The following NR1H4 variants were observed in gnomAD, a reference collection of about 807,000 sequenced individuals.
The protein encoded by NR1H4 is bile acid receptor.
In NR1H4, 23 loss-of-function variants were observed where a neutral mutation model predicts 58.5. The observed-to-expected ratio is 0.39, with a 90% confidence interval of 0.28 to 0.56. NR1H4 has a LOEUF of 0.56. Ranked by LOEUF, NR1H4 falls within the 20% of genes least tolerant of loss-of-function variation. NR1H4 has a pLI of 0.58. For synonymous variants in NR1H4, 214 were observed against 198.0 expected (o/e 1.08, Z -0.68); for missense variants, 487 against 576.9 (o/e 0.84, Z 1.60).
intron 9 of NR1H4, among the ~76,000 whole-genome samples, chr12:100,552,711 C>A (rs559456126): frequency 6.6e-6 from 1 of 152,196 alleles, no homozygotes; most frequent in South Asian, 2.1e-4. Context: ...TTGCTTAAGA[C>A]CAGGAGTTCG....
rs567282817 is a variant in NR1H4 at position 100,498,750 on chromosome 12, G to A, written c.79+5348G>A. ...AGCTTTGGAATCCACGTCTTGTATT[G>A]CTTTTATTATTGTATCTAACAGTCT... is the stretch of plus-strand genomic sequence containing the variant. On this transcript the variant is annotated intron_variant, in intron 3 of 10. Coordinates refer to ENST00000392986, the MANE Select transcript of NR1H4 (RefSeq NM_001206979.2). Among the ~76,000 whole-genome samples the A allele has an allele frequency of 9.2e-5, 14 of 152,178 alleles. 1 individual carries two copies. The highest frequency in any genetic ancestry group is 3.4e-4 in the African/African-American group (14 of 41,510).
intron 4 of NR1H4, among the ~76,000 whole-genome samples, chr12:100,524,011 A>G (rs1048494335): frequency 6.6e-6 from 1 of 152,246 alleles, no homozygotes; most frequent in African/African-American, 2.4e-5. Flanking sequence ...AATACGTAGA[A>G]AAATGCAATG....
Position 100,509,062 on chromosome 12 carries a change from G to C in NR1H4, c.80-1716G>C, listed in dbSNP as rs554716135. On this transcript the variant is annotated intron_variant, in intron 3 of 10. Coordinates refer to ENST00000392986, the MANE Select transcript of NR1H4 (RefSeq NM_001206979.2). Reference sequence around the variant, plus strand: ...CTTCTAAAACACATACGACTGCCAGGGTTTCAGATAAGGAACTGTGAATCT... The same window carrying C: ...CTTCTAAAACACATACGACTGCCAGCGTTTCAGATAAGGAACTGTGAATCT... 7.9e-5 allele frequency among the ~76,000 whole-genome samples: 12 copies of C among 152,196 alleles called. No homozygotes were observed. In the East Asian group the frequency reaches 1.7e-3, roughly 22 times the overall value.
rs1419373033 is a variant in NR1H4, at chr12:100,545,659, A to AC, written c.1078+4841_1078+4842insC. Among the ~76,000 whole-genome samples, 20 of 147,782 alleles carry AC rather than the reference A, an allele frequency of 1.4e-4. 1 individual carries two copies. The East Asian group carries it at 2.0e-3, about 14-fold the overall frequency. ...CTTGTCTCAAAAAAAAAAAAAAAAA[A>AC]AAAAAAAAAACCAAACGGGGGGCAT... On this transcript the variant is annotated intron_variant, in intron 9 of 10. Transcript: ENST00000392986.
chr12:100,538,281 T>A (rs942133987), intron 8 of NR1H4, among the ~76,000 whole-genome samples: 2 of 152,124 alleles, frequency 1.3e-5, no homozygotes, highest in Admixed American at 6.6e-5. Context: ...GTAAGATGAA[T>A]TTGAATGGAA....
rs539751652 is a variant in NR1H4, at chr12:100,535,575, G to T, written c.732+552G>T. ...GTGATAATGCACAGGACATTTGATG[G>T]AATTTTATTTTGCCATTAGCTGAAA... On this transcript the variant is annotated intron_variant, in intron 6 of 10. Coordinates refer to ENST00000392986, the MANE Select transcript of NR1H4 (RefSeq NM_001206979.2). 2.0e-5 allele frequency among the ~76,000 whole-genome samples: 3 copies of T among 152,308 alleles called. No individual in the cohort carries two copies. In the East Asian group the frequency reaches 5.8e-4, roughly 29 times the overall value.
At chr12:100,548,673 T>C (rs1289377181) in intron 9 of NR1H4, among the ~76,000 whole-genome samples, 1 of 152,160 alleles carries the variant, frequency 6.6e-6, no homozygotes, top group Non-Finnish European at 1.5e-5. Flanking sequence ...AACAAGCTTT[T>C]ATTGAGTACT....
chr12:100,533,200 G>T (rs1954736455), intron 5 of NR1H4, among the ~76,000 whole-genome samples: 1 of 152,184 alleles, frequency 6.6e-6, no homozygotes, highest in Admixed American at 6.5e-5. Context: ...GCTTTGTGAG[G>T]AACTGTAATC....
chr12:100,489,475 A>G (rs527321554), intron 1 of NR1H4, among the ~76,000 whole-genome samples: 1 of 152,322 alleles, frequency 6.6e-6, no homozygotes, highest in South Asian at 2.1e-4. Context: ...CCATTAAACT[A>G]TTTATAGGCA....
In NR1H4 at chr12:100,534,839, C is replaced by A. The variant is rs529703528; in HGVS notation, c.599-51C>A. On this transcript the variant is annotated intron_variant, in intron 5 of 10. Coordinates refer to ENST00000392986, the MANE Select transcript of NR1H4 (RefSeq NM_001206979.2). ...ATATCAGTGGTTTTATGACCACACA[C>A]CCAACAGTACTTTCTGTGATTGGTG... 2.5e-6 allele frequency: 4 copies of A among 1,611,146 alleles called. No homozygotes were observed. In the African/African-American group the frequency reaches 4.0e-5, roughly 16 times the overall value.
In NR1H4 at chr12:100,563,497, T is replaced by C; in HGVS notation, c.*8T>C. On this transcript the variant is annotated 3_prime_UTR_variant, in exon 11 of 11. Transcript: ENST00000392986. ...ATCTGGGACGTGCAGTGATGGGGAT[T>C]ACAGGGGAGGGGTCTAGCTCCTTTT... 1 of 1,601,928 alleles carries C rather than the reference T, an allele frequency of 6.2e-7. No individual in the cohort carries two copies. The highest frequency in any genetic ancestry group is 8.6e-7 in the Non-Finnish European group (1 of 1,168,870).
chr12:100,540,221 T>C (rs1229248075), intron 8 of NR1H4, among the ~76,000 whole-genome samples: 1 of 152,166 alleles, frequency 6.6e-6, no homozygotes, highest in Non-Finnish European at 1.5e-5. Flanking sequence ...GGTTGGCTGT[T>C]TTTGGGAAAT....
At chr12:100,482,057 G>A (rs942223016) in intron 1 of NR1H4, among the ~76,000 whole-genome samples, 17 of 152,236 alleles carry the variant, frequency 1.1e-4, no homozygotes, top group African/African-American at 3.1e-4. Context: ...AGCTAAGATC[G>A]CACCACTGCA....
rs757226552 is a variant in NR1H4 at position 100,536,584 on chromosome 12, A to G, written c.805A>G (p.Met269Val). The change falls in exon 7 of 11, where the codon ATG (methionine) becomes GTG (valine). Residue 269 changes from methionine (M) to valine (V), a missense_variant. Coordinates refer to ENST00000392986, the MANE Select transcript of NR1H4 (RefSeq NM_001206979.2). ...TATGGATTCATATAACAAACAGAGG[A>G]TGCCTCAGGAAATAACAAATAAAAT... Reference protein sequence around the residue: ...FIMDSYNKQRMPQEITNKILK... With the variant: ...FIMDSYNKQRVPQEITNKILK... The G allele has an allele frequency of 1.2e-5, 19 of 1,586,448 alleles. No homozygotes were observed. The highest frequency in any genetic ancestry group is 1.6e-5 in the Non-Finnish European group (19 of 1,155,108).
intron 9 of NR1H4, among the ~76,000 whole-genome samples, chr12:100,561,427 G>T (rs911289197): frequency 1.3e-5 from 2 of 151,940 alleles, no homozygotes; most frequent in South Asian, 2.1e-4. Flanking sequence ...AATAAATAAA[G>T]AACCCTGGCC....
intron 4 of NR1H4, among the ~76,000 whole-genome samples, chr12:100,527,317 C>T (rs911830564): frequency 5.3e-5 from 8 of 152,314 alleles, no homozygotes; most frequent in Middle Eastern, 3.4e-3. Context: ...TGCTTGAGCC[C>T]AGGAGTGAGA....
rs2136334215 is a variant in NR1H4 at position 100,563,858 on chromosome 12, G to A, written c.*369G>A. The A allele has an allele frequency of 5.5e-6, 1 of 182,882 alleles. No homozygotes were observed. The highest frequency in any genetic ancestry group is 1.4e-4 in the East Asian group (1 of 7,102). 11.3% of individuals were successfully genotyped at this position (182,882 alleles called of 1,614,324 possible). On this transcript the variant is annotated 3_prime_UTR_variant, in exon 11 of 11. Coordinates refer to ENST00000392986, the MANE Select transcript of NR1H4 (RefSeq NM_001206979.2). The stretch of plus-strand genomic sequence containing the variant: ...ATCTTGGCAATAAAGCAAACATAAT[G>A]GCAACAGGATTTTCTTTGGGAACAA...
intron 3 of NR1H4, among the ~76,000 whole-genome samples, chr12:100,504,946 A>C: frequency 6.6e-6 from 1 of 152,148 alleles, no homozygotes. Context: ...ACTGGGGCAG[A>C]CCTCCCAGAG....
At chr12:100,547,504 A>G (rs547309213) in intron 9 of NR1H4, among the ~76,000 whole-genome samples, 1 of 152,210 alleles carries the variant, frequency 6.6e-6, no homozygotes, top group African/African-American at 2.4e-5. Context: ...AGAGTTCCCC[A>G]GAGTTTTCTG....
Sources: allele counts gnomAD v4.1 joint callset (sites outside exome capture counted in the v4.1 genomes callset), GRCh38; gene constraint gnomAD v4.1.1; transcripts MANE v1.5; gene names NCBI Gene and HGNC (gene_info 2026-07-23, HGNC 2026-07-21).